CCDC102B: variants seen among roughly 807,000 people sequenced by gnomAD.
CCDC102B encodes the protein coiled-coil domain containing 102B, also known as coiled-coil domain-containing protein 102B.
Under a neutral mutation model 57.4 loss-of-function variants are expected in CCDC102B, and 75 were observed. That is an observed-to-expected ratio of 1.31 (90% CI 1.08 to 1.58). The LOEUF (loss-of-function observed/expected upper bound fraction) is 1.58. CCDC102B is among the 40% of genes most tolerant of loss of function. CCDC102B has a pLI of 0.00. For missense variants in CCDC102B, 636 were observed against 582.6 expected, an observed-to-expected ratio of 1.09 and a Z score of -0.94; for synonymous variants, 206 against 201.9, an observed-to-expected ratio of 1.02 and a Z score of -0.17.
chr18:69,041,091 G>A (rs1270570474), intron 7 of CCDC102B, among the ~76,000 whole-genome samples: 1 of 152,068 alleles, frequency 6.6e-6, no homozygotes, highest in Admixed American at 6.6e-5. Flanking sequence ...TATGGCATTG[G>A]CTATTTTATT....
intron 2 of CCDC102B, among the ~76,000 whole-genome samples, chr18:68,768,225 C>T (rs1599432499): frequency 6.6e-6 from 1 of 152,190 alleles, no homozygotes; most frequent in Admixed American, 6.5e-5. Flanking sequence ...AAACCAAGGT[C>T]TCCTCTGAAG....
rs534928904 is a variant in CCDC102B, at chr18:69,054,384, A to G, written c.*247A>G. On this transcript the variant is annotated 3_prime_UTR_variant, in exon 8 of 8. Transcript: ENST00000360242. ...AATTCTAAGATGTGTAAATATTTTG[A>G]AAGTCAAAAAGGGCTTTCAGAATAC... 227 of 1,135,300 alleles carry G rather than the reference A, an allele frequency of 2.0e-4. No homozygotes were observed. Among genetic ancestry groups the G allele is most frequent in the South Asian group, 1.8e-3 (54 of 29,432 alleles). The allele number at this position is 1,135,300 out of a possible 1,614,324, so 70.3% of individuals were successfully genotyped here.
chr18:68,839,034 T>C (rs2037510073), intron 3 of CCDC102B, 108 bp downstream of exon 3: 1 of 923,078 alleles, frequency 1.1e-6, no homozygotes, highest in African/African-American at 1.7e-5. Context: ...CCATGTTTAG[T>C]CATTAAGTTT....
chr18:68,896,085 C>T (rs1179666896), intron 5 of CCDC102B, among the ~76,000 whole-genome samples: 1 of 151,930 alleles, frequency 6.6e-6, no homozygotes, highest in Non-Finnish European at 1.5e-5. Flanking sequence ...AGTTACCTGA[C>T]TAAGCTTATC....
At chr18:68,987,689 C>G (rs571730136) in intron 6 of CCDC102B, among the ~76,000 whole-genome samples, 2 of 151,972 alleles carry the variant, frequency 1.3e-5, no homozygotes, top group South Asian at 4.2e-4. Context: ...CTACAACGAA[C>G]TTAATAAGTG....
At chr18:68,813,391 G>A (rs1391398096) in intron 1 of CCDC102B, among the ~76,000 whole-genome samples, 1 of 152,020 alleles carries the variant, frequency 6.6e-6, no homozygotes, top group East Asian at 1.9e-4. Flanking sequence ...CAGGAGGCCA[G>A]AGAGATGAGA....
At chr18:68,834,571 C>T (rs668905) in intron 1 of CCDC102B, among the ~76,000 whole-genome samples, 142,609 of 150,570 alleles carry the variant, frequency 0.95, 68,021 homozygotes, top group East Asian at 1. Context: ...GGGAACAAAA[C>T]ACTCCAAATC....
In CCDC102B at chr18:69,043,568, A is replaced by G. The variant is rs533637593; in HGVS notation, c.1435-10462A>G. ...GGGTACTTGAGATTAGGGAGTGGTGATGACTCTTAAGGAGCATGCTGCCTT... is the reference window on the plus strand; with the variant it reads ...GGGTACTTGAGATTAGGGAGTGGTGGTGACTCTTAAGGAGCATGCTGCCTT... On this transcript the variant is annotated intron_variant, in intron 7 of 7. Coordinates refer to ENST00000360242, the MANE Select transcript of CCDC102B (RefSeq NM_024781.3). 7.2e-4 allele frequency among the ~76,000 whole-genome samples: 109 copies of G among 152,192 alleles called. 1 individual carries two copies. The highest frequency in any genetic ancestry group is 2.5e-3 in the African/African-American group (104 of 41,536).
chr18:69,012,324 C>A, intron 7 of CCDC102B, among the ~76,000 whole-genome samples: 1 of 151,988 alleles, frequency 6.6e-6, no homozygotes, highest in East Asian at 1.9e-4. Context: ...TTGTCAATAT[C>A]GGCTTTAAGA....
At chr18:68,925,008 C>G (rs190882754) in intron 6 of CCDC102B, among the ~76,000 whole-genome samples, 1 of 152,038 alleles carries the variant, frequency 6.6e-6, no homozygotes, top group Admixed American at 6.6e-5. Flanking sequence ...ATGCTGCTGG[C>G]CAACAAACCA....
intron 2 of CCDC102B, among the ~76,000 whole-genome samples, chr18:68,782,303 T>A (rs1233056079): frequency 6.6e-6 from 1 of 152,106 alleles, no homozygotes; most frequent in Non-Finnish European, 1.5e-5. Flanking sequence ...TCTTTGTCCT[T>A]GTTGTGTAGG....
intron 6 of CCDC102B, chr18:68,992,831 C>T: frequency 6.1e-6 from 1 of 165,084 alleles, no homozygotes; most frequent in Non-Finnish European, 1.4e-5. Context: ...CATGCAGCAG[C>T]ACAGGTGTGT....
chr18:68,780,432 T>C (rs1599449641), intron 2 of CCDC102B, among the ~76,000 whole-genome samples: 1 of 151,518 alleles, frequency 6.6e-6, no homozygotes, highest in Non-Finnish European at 1.5e-5. Context: ...CTCCCATCAA[T>C]ATGTAAGGAT....
chr18:69,048,929 T>G lies in CCDC102B; in HGVS notation c.1435-5101T>G, dbSNP rs528061437. Reference sequence around the variant, plus strand: ...TTTTATTTATTTATTTTTAAACTCTTGGTTTTTTCATTGAATTATATTTTT... The same window carrying G: ...TTTTATTTATTTATTTTTAAACTCTGGGTTTTTTCATTGAATTATATTTTT... On this transcript the variant is annotated intron_variant, in intron 7 of 7. Coordinates refer to ENST00000360242, the MANE Select transcript of CCDC102B (RefSeq NM_024781.3). Among the ~76,000 whole-genome samples the G allele has an allele frequency of 1.2e-4, 19 of 152,220 alleles. No individual in the cohort carries two copies. The South Asian group carries it at 3.7e-3, about 30-fold the overall frequency.
chr18:68,827,952 A>G (rs1568272594), intron 1 of CCDC102B, among the ~76,000 whole-genome samples: 1 of 152,098 alleles, frequency 6.6e-6, no homozygotes, highest in East Asian at 1.9e-4. Context: ...AAAATGAAAT[A>G]AAATATAGAA....
intron 6 of CCDC102B, among the ~76,000 whole-genome samples, chr18:68,906,471 T>A (rs1402998239): frequency 6.6e-6 from 1 of 152,206 alleles, no homozygotes; most frequent in Admixed American, 6.5e-5. Flanking sequence ...TTTCTCCACA[T>A]CCTTGGCAAC....
Position 68,857,295 on chromosome 18 carries a change from A to T in CCDC102B, c.936+10874A>T, listed in dbSNP as rs1482029245. Among the ~76,000 whole-genome samples the T allele has an allele frequency of 8.8e-3, 95 of 10,770 alleles. 5 individuals carry two copies. The highest frequency in any genetic ancestry group is 0.027 in the Admixed American group (12 of 446). The allele number at this position is 10,770 out of a possible 152,430, so 7.1% of individuals were successfully genotyped here. On this transcript the variant is annotated intron_variant, in intron 4 of 7. Transcript: ENST00000360242. ...TATATATAATATATATTTATATATT[A>T]TATATATAATATATATTTATATATT... is the stretch of plus-strand genomic sequence containing the variant.
intron 6 of CCDC102B, among the ~76,000 whole-genome samples, chr18:69,000,908 G>C (rs140034108): frequency 1.5e-3 from 222 of 152,132 alleles, no homozygotes; most frequent in African/African-American, 5.1e-3. Context: ...GGATCTTAAT[G>C]TCTGGTGAAA....
rs2033832032 is a variant in CCDC102B at position 68,751,069 on chromosome 18, GCA to G, written c.-67+34478_-67+34479del. ...TTAGGTCAAAATAATCTATCATGCT[GCA>G]CAGAGAGATAAAACAATAGAAAATA... On this transcript the variant is annotated intron_variant, in intron 2 of 3. Transcript: ENST00000578970. Among the ~76,000 whole-genome samples the G allele has an allele frequency of 5.9e-5, 9 of 152,132 alleles. No individual in the cohort carries two copies. In the South Asian group the frequency reaches 1.9e-3, roughly 32 times the overall value.
Sources: gnomAD v4.1 joint callset for allele counts (sites outside exome capture counted in the v4.1 genomes callset) on GRCh38, gnomAD v4.1.1 for gene constraint, MANE v1.5 for transcripts, NCBI Gene and HGNC (gene_info 2026-07-23, HGNC 2026-07-21) for gene names.